The following GYG2 variants were observed in gnomAD, a reference collection of about 807,000 sequenced individuals.
GYG2 encodes glycogenin-2.
GYG2 carries 29 observed loss-of-function variants against 29.4 expected under a neutral mutation model. The observed-to-expected ratio is 0.99, with a 90% CI of 0.74 to 1.35. GYG2 has a LOEUF of 1.35. GYG2 is among the 40% of genes most tolerant of loss of function. The pLI is 0.00. For synonymous variants in GYG2, 167 were observed against 172.3 expected, an observed-to-expected ratio of 0.97 and a Z score of 0.24; for missense variants, 370 against 385.7, an observed-to-expected ratio of 0.96 and a Z score of 0.34.
In GYG2 at chrX:2,845,758, T is replaced by C. The variant is rs188745329; in HGVS notation, c.149+2404T>C. On this transcript the variant is annotated intron_variant, in intron 3 of 10. Transcript: ENST00000398806. ...ACGTATATTTATTTATGCATGTGTA[T>C]GTATATATATGCATGTGTATGTATA... is the stretch of plus-strand genomic sequence containing the variant. Among the ~76,000 whole-genome samples the C allele has an allele frequency of 7.8e-3, 819 of 105,096 alleles. 9 individuals carry two copies. The highest frequency in any genetic ancestry group is 0.027 in the African/African-American group (779 of 29,209). The allele number at this position is 105,096 out of a possible 115,157, so 91.3% of individuals were successfully genotyped here.
Position 2,882,713 on chromosome X carries a change from G to A in GYG2, c.*1500G>A, listed in dbSNP as rs757282775. 1 of 110,253 alleles carries A rather than the reference G, an allele frequency of 9.1e-6. No homozygotes were observed. Among genetic ancestry groups the A allele is most frequent in the Non-Finnish European group, 1.9e-5 (1 of 52,835 alleles). The allele number at this position is 110,253 out of a possible 1,213,427, so 9.1% of individuals were successfully genotyped here. On this transcript the variant is annotated 3_prime_UTR_variant, in exon 11 of 11. Transcript: ENST00000398806. Reference sequence around the variant, plus strand: ...AATTCATGTTCACGGGCAGTGATGAGTTGGCTTATGGAGTGAGTCCAGTCT... The same window carrying A: ...AATTCATGTTCACGGGCAGTGATGAATTGGCTTATGGAGTGAGTCCAGTCT...
At chrX:2,859,669 T>G (rs1490980146) in intron 6 of GYG2, among the ~76,000 whole-genome samples, 174 bp from the exon 7 acceptor site, 3 of 110,958 alleles carry the variant, frequency 2.7e-5, no homozygotes, top group African/African-American at 9.8e-5. Flanking sequence ...GATTATATAT[T>G]GGTTACTATG....
chrX:2,832,127 A>G (rs1268604308), intron 2 of GYG2, among the ~76,000 whole-genome samples: 1 of 112,953 alleles, frequency 8.9e-6, no homozygotes, highest in Non-Finnish European at 1.9e-5. Flanking sequence ...AAGCCCTGTC[A>G]ATCAATGTTT....
In GYG2 at chrX:2,867,164, G is replaced by T. The variant is rs188174900; in HGVS notation, c.1038+5442G>T. ...AGATGAGGGGAAATGACCCCCAGCTGGGCTGAGCGTACTTTGTTTAGGGTA... is the reference window on the plus strand; with the variant it reads ...AGATGAGGGGAAATGACCCCCAGCTTGGCTGAGCGTACTTTGTTTAGGGTA... On this transcript the variant is annotated intron_variant, in intron 8 of 10. Transcript: ENST00000398806. Among the ~76,000 whole-genome samples the T allele has an allele frequency of 1.6e-4, 18 of 111,638 alleles. No individual in the cohort carries two copies. The East Asian group carries it at 5.1e-3, about 32-fold the overall frequency.
intron 3 of GYG2, among the ~76,000 whole-genome samples, chrX:2,846,324 C>A (rs2087737344): frequency 9.3e-6 from 1 of 107,257 alleles, no homozygotes; most frequent in African/African-American, 3.4e-5. Flanking sequence ...GCCTCCGCCT[C>A]CCAAAGTGCC....
chrX:2,845,047 G>GTATATATATATACACGTGTGTATGTATA (rs1164775106), intron 3 of GYG2, among the ~76,000 whole-genome samples: 1 of 48,788 alleles, frequency 2.0e-5, no homozygotes, highest in African/African-American at 7.0e-5. Context: ...ACATGTGTAT[G>GTATATATATATACACGTGTGTATGTATA]TATATATACA....
chrX:2,857,508 A>T (rs2088045762), intron 6 of GYG2, among the ~76,000 whole-genome samples: 1 of 110,735 alleles, frequency 9.0e-6, no homozygotes, highest in Non-Finnish European at 1.9e-5. Context: ...ATCTATGTAT[A>T]TACATGGATC....
chrX:2,877,169 G>T (rs771196280), intron 9 of GYG2, 31 bp from the exon 10 acceptor site: 1 of 1,201,604 alleles, frequency 8.3e-7, no homozygotes, highest in South Asian at 1.8e-5. Context: ...GCAGCCCACC[G>T]CAGACTAATG....
intron 10 of GYG2, 187 bp downstream of exon 10, chrX:2,877,494 C>G: frequency 9.5e-7 from 1 of 1,052,142 alleles, no homozygotes; most frequent in Non-Finnish European, 1.2e-6. Flanking sequence ...CTGGGGTGAT[C>G]GGCCGACTCT....
chrX:2,870,118 T>C (rs1471950158), intron 8 of GYG2, among the ~76,000 whole-genome samples: 1 of 110,829 alleles, frequency 9.0e-6, no homozygotes, highest in South Asian at 3.8e-4. Flanking sequence ...TTTTTTAAGC[T>C]ATCAAGTTTT....
rs1198746673 is a variant in GYG2, at chrX:2,830,088, G to A, written c.-101G>A. On this transcript the variant is annotated 5_prime_UTR_variant, in exon 2 of 11. Transcript: ENST00000398806. ...CTGGAAATCCACGCGGATTCCCGGAGACGGCGCCTCTGCTCTGCGGGTTCG... is the reference window on the plus strand; with the variant it reads ...CTGGAAATCCACGCGGATTCCCGGAAACGGCGCCTCTGCTCTGCGGGTTCG... 2 of 822,761 alleles carry A rather than the reference G, an allele frequency of 2.4e-6. No homozygotes were observed. Among genetic ancestry groups the A allele is most frequent in the African/African-American group, 4.0e-5 (2 of 50,077 alleles). 67.8% of individuals were successfully genotyped at this position (822,761 alleles called of 1,213,427 possible).
At chrX:2,856,817 CTCTA>C (rs2088013461) in intron 6 of GYG2, among the ~76,000 whole-genome samples, 193 bp downstream of exon 6, 1 of 89,991 alleles carries the variant, frequency 1.1e-5, no homozygotes, top group African/African-American at 3.9e-5. Context: ...TATCTATCAC[CTCTA>C]TCTAGGTAGA....
At chrX:2,880,426 G>A (rs1191520314) in intron 10 of GYG2, among the ~76,000 whole-genome samples, 1 of 111,057 alleles carries the variant, frequency 9.0e-6, no homozygotes, top group African/African-American at 3.3e-5. Flanking sequence ...GTGTGTGTGT[G>A]TGTGTGTGTG....
rs112354788 is a variant in GYG2 at position 2,865,414 on chromosome X, C to T, written c.1038+3692C>T. On this transcript the variant is annotated intron_variant, in intron 8 of 10. Coordinates refer to ENST00000398806, the MANE Select transcript of GYG2 (RefSeq NM_001079855.2). ...ATATTAATCTCGATGGAATTGTTGC[C>T]GTGGATTTTTCTTGACATAAGTCAC... 7.5e-3 allele frequency among the ~76,000 whole-genome samples: 837 copies of T among 111,777 alleles called. 6 individuals carry two copies. Among genetic ancestry groups the T allele is most frequent in the African/African-American group, 0.025 (761 of 30,817 alleles).
At chrX:2,867,696 G>A (rs62582325) in intron 8 of GYG2, among the ~76,000 whole-genome samples, 18,653 of 111,183 alleles carry the variant, frequency 0.17, 1,248 homozygotes, top group South Asian at 0.31. Flanking sequence ...GGAATGGGAG[G>A]AAGGGATGGA....
At position 2,860,939 on chromosome X, in the gene GYG2, A is replaced by G. The variant is rs183146618; in HGVS notation, c.838-583A>G. ...GAGACGGGGTTTTGCCACGTTGGCC[A>G]GGCTGGTCTTGAAGCTCTGACCTCA... On this transcript the variant is annotated intron_variant, in intron 7 of 10. Transcript: ENST00000398806. Among the ~76,000 whole-genome samples, 120 of 109,981 alleles carry G rather than the reference A, an allele frequency of 1.1e-3. 3 individuals are homozygous for G. The highest frequency in any genetic ancestry group is 3.8e-3 in the African/African-American group (114 of 30,282).
chrX:2,865,322 A>G (rs2147238196), intron 8 of GYG2, among the ~76,000 whole-genome samples: 1 of 111,347 alleles, frequency 9.0e-6, no homozygotes, highest in South Asian at 3.9e-4. Flanking sequence ...CAAAAACAGA[A>G]CCATTTCCAG....
rs752833652 is a variant in GYG2 at position 2,843,294 on chromosome X, G to C, written c.89G>C (p.Arg30Thr). The change falls in exon 3 of 11, where the codon AGA becomes ACA. Residue 30 changes from arginine (R) to threonine (T), a missense_variant. By Grantham distance (71) the Arg-to-Thr change is moderately conservative (BLOSUM62 -1). Coordinates refer to ENST00000398806, the MANE Select transcript of GYG2 (RefSeq NM_001079855.2). ...CTGGTCCTGGGGCAGTCACTGAGGAGACACAGGCTGACGAGGAAGCTGGTG... is the reference window on the plus strand; with the variant it reads ...CTGGTCCTGGGGCAGTCACTGAGGACACACAGGCTGACGAGGAAGCTGGTG... ...GALVLGQSLR[R>T]HRLTRKLVVL... The C allele has an allele frequency of 9.2e-6, 11 of 1,190,687 alleles. No individual in the cohort carries two copies. Among genetic ancestry groups the C allele is most frequent in the Non-Finnish European group, 1.3e-5 (11 of 878,731 alleles).
chrX:2,858,428 T>C (rs2088075140), intron 6 of GYG2, among the ~76,000 whole-genome samples: 1 of 110,843 alleles, frequency 9.0e-6, no homozygotes, highest in African/African-American at 3.3e-5. Context: ...ATCGTGCCAC[T>C]GCACTCCAGC....
Sources: gnomAD v4.1 joint callset for allele counts (sites outside exome capture counted in the v4.1 genomes callset) on GRCh38, gnomAD v4.1.1 for gene constraint, MANE v1.5 for transcripts, NCBI Gene and HGNC (gene_info 2026-07-23, HGNC 2026-07-21) for gene names.